The following OR2T12 variants were observed in gnomAD, a reference collection of about 807,000 sequenced individuals.
The protein encoded by OR2T12 is olfactory receptor family 2 subfamily T member 12.
For missense variants in OR2T12, 335 were observed against 404.3 expected, an observed-to-expected ratio of 0.83 and a Z score of 1.47; for synonymous variants, 127 against 160.5, an observed-to-expected ratio of 0.79 and a Z score of 1.58.
In OR2T12 at chr1:248,295,530, TAA is replaced by T; in HGVS notation, c.47_48del (p.Phe16Ter). ...AGGACTTGGTGGGCTCTGGTGTGGT[TAA>T]AGAGTCCTAGGAGAATAAAATCTGG... ...TTPDFILLGL[F>X]NHTRAHQVLF... On this transcript the variant is annotated frameshift_variant, in exon 3 of 3. Coordinates refer to ENST00000641276, the MANE Select transcript of OR2T12 (RefSeq NM_001004692.2). LOFTEE classifies it low-confidence loss of function (END_TRUNC). The T allele has an allele frequency of 1.9e-6, 3 of 1,612,506 alleles. No individual in the cohort carries two copies. Among genetic ancestry groups the T allele is most frequent in the South Asian group, 1.1e-5 (1 of 90,744 alleles).
chr1:248,294,443 A>C lies in OR2T12; in HGVS notation c.*173T>G, dbSNP rs1486058390. On this transcript the variant is annotated 3_prime_UTR_variant, in exon 3 of 3. Coordinates refer to ENST00000641276, the MANE Select transcript of OR2T12 (RefSeq NM_001004692.2). Reference sequence around the variant, plus strand: ...TATTACTTCACTTGAAGAAAAGTACATAAATGCTCAAAAATGGTATCTGTC... The same window carrying C: ...TATTACTTCACTTGAAGAAAAGTACCTAAATGCTCAAAAATGGTATCTGTC... 3.8e-6 allele frequency: 3 copies of C among 798,960 alleles called. No homozygotes were observed. Among genetic ancestry groups the C allele is most frequent in the Non-Finnish European group, 5.8e-6 (3 of 514,858 alleles). 49.5% of individuals were successfully genotyped at this position (798,960 alleles called of 1,614,324 possible).
Position 248,295,028 on chromosome 1 carries a change from C to A in OR2T12, c.551G>T (p.Arg184Leu). ...HFFCEAPVLV[R>L]LACADTSVFE... ...GACTGAAGTGTCAGCACAAGCCAAACGCACCAACACGGGGGCCTCGCAGAA... is the reference window on the plus strand; with the variant it reads ...GACTGAAGTGTCAGCACAAGCCAAAAGCACCAACACGGGGGCCTCGCAGAA... The change falls in exon 3 of 3, where the codon CGT becomes CTT. Residue 184 changes from arginine (R) to leucine (L), a missense_variant. By Grantham distance (102) the Arg-to-Leu change is moderately radical (BLOSUM62 -2). Coordinates refer to ENST00000641276, the MANE Select transcript of OR2T12 (RefSeq NM_001004692.2). 7 of 1,609,958 alleles carry A rather than the reference C, an allele frequency of 4.3e-6. No individual in the cohort carries two copies. Among genetic ancestry groups the A allele is most frequent in the East Asian group, 2.2e-5 (1 of 44,814 alleles).
At position 248,294,133 on chromosome 1, in the gene OR2T12, T is replaced by G; in HGVS notation, c.*483A>C. 6.5e-6 allele frequency: 1 copy of G among 154,806 alleles called. No individual in the cohort carries two copies. The highest frequency in any genetic ancestry group is 2.0e-4 in the South Asian group (1 of 5,050). The allele number at this position is 154,806 out of a possible 1,614,324, so 9.6% of individuals were successfully genotyped here. On this transcript the variant is annotated 3_prime_UTR_variant, in exon 3 of 3. Transcript: ENST00000641276. The stretch of plus-strand genomic sequence containing the variant: ...TGAACAGAAATAAACTCTTCCAGGT[T>G]AGGGTACAAGCTTTGGAGTCACTTT...
At chr1:248,300,804 T>C (rs180765095) in intron 2 of OR2T12, among the ~76,000 whole-genome samples, 3 of 152,192 alleles carry the variant, frequency 2.0e-5, no homozygotes, top group Admixed American at 2.0e-4. Context: ...AAGGAAGCTA[T>C]GTGGTCAAGT....
chr1:248,299,268 A>G (rs1659779538), intron 2 of OR2T12, among the ~76,000 whole-genome samples: 1 of 152,200 alleles, frequency 6.6e-6, no homozygotes, highest in South Asian at 2.1e-4. Context: ...AAGACCCATC[A>G]GTGTGCTGTG....
rs1659630950 is a variant in OR2T12 at position 248,291,339 on chromosome 1, A to G, written c.*3277T>C. ...AATCATGAGTGAATTCCCATTCAGA[A>G]TTGCTACAAAGGGAATAAAACACCT... On this transcript the variant is annotated 3_prime_UTR_variant, in exon 3 of 3. Coordinates refer to ENST00000641276, the MANE Select transcript of OR2T12 (RefSeq NM_001004692.2). 6.6e-6 allele frequency: 1 copy of G among 152,200 alleles called. No homozygotes were observed. The highest frequency in any genetic ancestry group is 2.4e-5 in the African/African-American group (1 of 41,448). 9.4% of individuals were successfully genotyped at this position (152,200 alleles called of 1,614,324 possible).
At position 248,295,018 on chromosome 1, in the gene OR2T12, A is replaced by T. The variant is rs147379132; in HGVS notation, c.561T>A (p.Cys187Ter). ...CGTTTTCGAAGACTGAAGTGTCAGC[A>T]CAAGCCAAACGCACCAACACGGGGG... ...CEAPVLVRLA[C>*]ADTSVFENAM... Residue 187 changes from cysteine to a stop codon, truncating the protein, a stop_gained, in exon 3 of 3, where the codon TGT becomes TGA. Coordinates refer to ENST00000641276, the MANE Select transcript of OR2T12 (RefSeq NM_001004692.2). LOFTEE classifies it low-confidence loss of function (END_TRUNC). The T allele has an allele frequency of 2.4e-5, 38 of 1,610,878 alleles. No homozygotes were observed. In the African/African-American group the frequency reaches 4.7e-4, roughly 20 times the overall value.
chr1:248,297,388 A>G (rs1004730563), intron 2 of OR2T12, among the ~76,000 whole-genome samples: 171 of 152,106 alleles, frequency 1.1e-3, no homozygotes, highest in Non-Finnish European at 2.1e-3. Flanking sequence ...CAATTCTGTG[A>G]AGAAAGTCAT....
At chr1:248,299,778 G>C (rs1017985652) in intron 2 of OR2T12, among the ~76,000 whole-genome samples, 6 of 152,032 alleles carry the variant, frequency 3.9e-5, no homozygotes, top group South Asian at 2.1e-4. Context: ...TGACCACATA[G>C]TTGGAAGTAA....
At chr1:248,295,678 C>G (rs1360763519) in intron 2 of OR2T12, 92 bp from the exon 3 acceptor site, 1 of 1,470,380 alleles carries the variant, frequency 6.8e-7, no homozygotes, top group African/African-American at 1.4e-5. Flanking sequence ...GACATATGTA[C>G]TGGATATGTT....
Position 248,293,860 on chromosome 1 carries a change from TTA to T in OR2T12, c.*754_*755del, listed in dbSNP as rs1189659515. Reference sequence around the variant, plus strand: ...CGCTCTTGGAAAAGATAAATATTACTTATATAAAAAATTACATGAATTTAAAA... The same window carrying T: ...CGCTCTTGGAAAAGATAAATATTACTTATAAAAAATTACATGAATTTAAAA... On this transcript the variant is annotated 3_prime_UTR_variant, in exon 3 of 3. Transcript: ENST00000641276. 6.7e-6 allele frequency: 1 copy of T among 148,572 alleles called. No individual in the cohort carries two copies. Among genetic ancestry groups the T allele is most frequent in the Non-Finnish European group, 1.5e-5 (1 of 67,478 alleles). 9.2% of individuals were successfully genotyped at this position (148,572 alleles called of 1,614,324 possible).
In OR2T12 at chr1:248,293,899, A is replaced by G. The variant is rs1659672397; in HGVS notation, c.*717T>C. On this transcript the variant is annotated 3_prime_UTR_variant, in exon 3 of 3. Transcript: ENST00000641276. ...ACATGAATTTAAAAAAGTTTGCCTT[A>G]AAACACCAAATAAAAAGAGACTGGA... 1 of 152,088 alleles carries G rather than the reference A, an allele frequency of 6.6e-6. No individual in the cohort carries two copies. The highest frequency in any genetic ancestry group is 1.5e-5 in the Non-Finnish European group (1 of 67,978). The allele number at this position is 152,088 out of a possible 1,614,324, so 9.4% of individuals were successfully genotyped here.
chr1:248,299,404 G>T (rs1454851714), intron 2 of OR2T12, among the ~76,000 whole-genome samples: 1 of 151,926 alleles, frequency 6.6e-6, no homozygotes, highest in East Asian at 1.9e-4. Flanking sequence ...TGATAAAACA[G>T]ACTTTAAACC....
At position 248,292,924 on chromosome 1, in the gene OR2T12, C is replaced by A. The variant is rs1659652833; in HGVS notation, c.*1692G>T. ...GAACCTGGTATGAGTAATGAAATTT[C>A]CACGACTACATGTACTTGTGTAATT... On this transcript the variant is annotated 3_prime_UTR_variant, in exon 3 of 3. Coordinates refer to ENST00000641276, the MANE Select transcript of OR2T12 (RefSeq NM_001004692.2). The A allele has an allele frequency of 6.6e-6, 1 of 152,012 alleles. No individual in the cohort carries two copies. The highest frequency in any genetic ancestry group is 1.5e-5 in the Non-Finnish European group (1 of 67,970). The allele number at this position is 152,012 out of a possible 1,614,324, so 9.4% of individuals were successfully genotyped here.
chr1:248,302,049 AAAAAG>A (rs781069910), intron 1 of OR2T12, among the ~76,000 whole-genome samples: 43 of 152,162 alleles, frequency 2.8e-4, no homozygotes, highest in Non-Finnish European at 4.7e-4. Flanking sequence ...TAAAAAAAAA[AAAAAG>A]AAGTGAAGCC....
At chr1:248,295,779 T>TC (rs1659716588) in intron 2 of OR2T12, among the ~76,000 whole-genome samples, 193 bp from the exon 3 acceptor site, 1 of 152,202 alleles carries the variant, frequency 6.6e-6, no homozygotes, top group African/African-American at 2.4e-5. Flanking sequence ...CTTTTTAATG[T>TC]TCTAACTGAG....
chr1:248,292,988 T>C lies in OR2T12; in HGVS notation c.*1628A>G, dbSNP rs1450130103. 1.3e-5 allele frequency: 2 copies of C among 152,104 alleles called. No homozygotes were observed. Among genetic ancestry groups the C allele is most frequent in the Non-Finnish European group, 2.9e-5 (2 of 67,964 alleles). 9.4% of individuals were successfully genotyped at this position (152,104 alleles called of 1,614,324 possible). ...AGAGAAGATTTTTTAGATGGTATAA[T>C]GACAGAATTTGTGCAGTTCTGTTCC... is the stretch of plus-strand genomic sequence containing the variant. On this transcript the variant is annotated 3_prime_UTR_variant, in exon 3 of 3. Coordinates refer to ENST00000641276, the MANE Select transcript of OR2T12 (RefSeq NM_001004692.2).
At chr1:248,296,865 C>A (rs1225768356) in intron 2 of OR2T12, among the ~76,000 whole-genome samples, 1 of 152,114 alleles carries the variant, frequency 6.6e-6, no homozygotes, top group African/African-American at 2.4e-5. Flanking sequence ...TACTTAGATC[C>A]CATTTGTCAA....
At position 248,294,568 on chromosome 1, in the gene OR2T12, T is replaced by G; in HGVS notation, c.*48A>C. ...TTACTAAAGGGAGAGAATTACATAG[T>G]GTTAAAATGTTAATAAATTCAGGAA... On this transcript the variant is annotated 3_prime_UTR_variant, in exon 3 of 3. Transcript: ENST00000641276. 6.4e-7 allele frequency: 1 copy of G among 1,566,624 alleles called. No homozygotes were observed. The highest frequency in any genetic ancestry group is 1.4e-5 in the African/African-American group (1 of 73,114).
Sources: allele counts gnomAD v4.1 joint callset (sites outside exome capture counted in the v4.1 genomes callset), GRCh38; gene constraint gnomAD v4.1.1; transcripts MANE v1.5; gene names NCBI Gene and HGNC (gene_info 2026-07-23, HGNC 2026-07-21).